Variants in OSBPL11 observed in about 807,000 individuals in gnomAD.
OSBPL11 encodes oxysterol binding protein like 11.
Under a neutral mutation model 84.4 loss-of-function variants are expected in OSBPL11, and 33 were observed. That is an observed-to-expected ratio of 0.39 (90% CI 0.30 to 0.52). The LOEUF (loss-of-function observed/expected upper bound fraction) is 0.52. Among genes scored for constraint, OSBPL11 ranks in the 20% least tolerant of loss-of-function variants. The probability of loss-of-function intolerance (pLI) is 0.72; values close to 1 mark genes in which losing one functional copy is unlikely to be tolerated. For missense variants in OSBPL11, 736 were observed against 901.1 expected, an observed-to-expected ratio of 0.82 and a Z score of 2.35; for synonymous variants, 276 against 310.2, an observed-to-expected ratio of 0.89 and a Z score of 1.16.
chr3:125,537,640 A>T (rs534508321), intron 11 of OSBPL11, among the ~76,000 whole-genome samples: 2 of 152,248 alleles, frequency 1.3e-5, no homozygotes, highest in African/African-American at 4.8e-5. Flanking sequence ...TATTTATGTG[A>T]TCTTAATGTA....
Position 125,595,459 on chromosome 3 carries a change from G to A in OSBPL11, c.-659C>T, listed in dbSNP as rs1430961906. On this transcript the variant is annotated 5_prime_UTR_variant, in exon 1 of 13. Coordinates refer to ENST00000296220, the MANE Select transcript of OSBPL11 (RefSeq NM_022776.5). ...GCCCTCGACTGGGTTCCCAGGAGCC[G>A]GTGAGTCTCTCGCGCTATCTCCAGA... is the stretch of plus-strand genomic sequence containing the variant. 6.6e-6 allele frequency among the ~76,000 whole-genome samples: 1 copy of A among 152,156 alleles called. No individual in the cohort carries two copies. The highest frequency in any genetic ancestry group is 6.5e-5 in the Admixed American group (1 of 15,288).
At chr3:125,581,655 C>A (rs1175875685) in intron 2 of OSBPL11, among the ~76,000 whole-genome samples, 6 of 141,156 alleles carry the variant, frequency 4.3e-5, no homozygotes, top group Non-Finnish European at 9.0e-5. Flanking sequence ...GAGATTGCAC[C>A]ACTACACTGC....
intron 9 of OSBPL11, among the ~76,000 whole-genome samples, chr3:125,548,383 ATGT>A (rs1320974683): frequency 2.0e-5 from 3 of 152,136 alleles, no homozygotes; most frequent in African/African-American, 4.8e-5. Context: ...GAAAGAAAAA[ATGT>A]TGTTTGATTA....
In OSBPL11 at chr3:125,529,409, C is replaced by A. The variant is rs1580025208; in HGVS notation, c.*1106G>T. ...ACTTCCTGATCTTTTTTTCCTGATA[C>A]CTTTTCATTTCGTTGTTTCTTTAGC... is the stretch of plus-strand genomic sequence containing the variant. On this transcript the variant is annotated 3_prime_UTR_variant, in exon 13 of 13. Transcript: ENST00000296220. 1 of 151,098 alleles carries A rather than the reference C, an allele frequency of 6.6e-6. No individual in the cohort carries two copies. The highest frequency in any genetic ancestry group is 2.4e-5 in the African/African-American group (1 of 41,048). The allele number at this position is 151,098 out of a possible 1,614,324, so 9.4% of individuals were successfully genotyped here.
At chr3:125,546,753 T>G (rs1935824083) in intron 10 of OSBPL11, among the ~76,000 whole-genome samples, 1 of 151,992 alleles carries the variant, frequency 6.6e-6, no homozygotes, top group Non-Finnish European at 1.5e-5. Context: ...CAGCCAGGCA[T>G]GGTGGCACAT....
chr3:125,592,757 C>G (rs1353642683), intron 1 of OSBPL11, among the ~76,000 whole-genome samples: 1 of 150,174 alleles, frequency 6.7e-6, no homozygotes, highest in Non-Finnish European at 1.5e-5. Context: ...AGATATCAAG[C>G]ATATTAAAAA....
chr3:125,540,328 CAAAAAAAAAA>C lies in OSBPL11; in HGVS notation c.1842-1705_1842-1696del, dbSNP rs201858368. On this transcript the variant is annotated intron_variant, in intron 10 of 12. Transcript: ENST00000296220. ...TGGGCGACAGAGGATGGCTCTGTCT[CAAAAAAAAAA>C]AAAAAAAAAAAAAAAAAAAAGAGTA... Among the ~76,000 whole-genome samples, 133 of 85,328 alleles carry C rather than the reference CAAAAAAAAAA, an allele frequency of 1.6e-3. 2 individuals are homozygous for C. Among genetic ancestry groups the C allele is most frequent in the African/African-American group, 6.5e-3 (122 of 18,872 alleles). The allele number at this position is 85,328 out of a possible 152,430, so 56.0% of individuals were successfully genotyped here. A position where few individuals can be genotyped will look rare whatever the true frequency, so the allele number is the denominator to read the frequency against.
At chr3:125,553,494 T>C (rs1222453782) in intron 8 of OSBPL11, among the ~76,000 whole-genome samples, 1 of 152,224 alleles carries the variant, frequency 6.6e-6, no homozygotes, top group Non-Finnish European at 1.5e-5. Flanking sequence ...ATAAATATTT[T>C]ACTTAAAGCA....
chr3:125,567,700 A>C, intron 5 of OSBPL11, 105 bp from the exon 6 acceptor site: 1 of 901,240 alleles, frequency 1.1e-6, no homozygotes, highest in Non-Finnish European at 1.7e-6. Flanking sequence ...GCCATTTTTA[A>C]AGACCTACTA....
intron 8 of OSBPL11, among the ~76,000 whole-genome samples, chr3:125,553,895 A>G (rs1935952867): frequency 6.6e-6 from 1 of 152,208 alleles, no homozygotes; most frequent in Admixed American, 6.5e-5. Flanking sequence ...TCATATAAAG[A>G]CAAACCCAGA....
In OSBPL11 at chr3:125,578,955, C is replaced by T; in HGVS notation, c.489+5G>A. The T allele has an allele frequency of 6.6e-7, 1 of 1,525,112 alleles. No homozygotes were observed. 94.5% of individuals were successfully genotyped at this position (1,525,112 alleles called of 1,614,324 possible). A position where few individuals can be genotyped will look rare whatever the true frequency, so the allele number is the denominator to read the frequency against. On this transcript the variant is annotated splice_donor_5th_base_variant and intron_variant, in intron 4 of 12. Coordinates refer to ENST00000296220, the MANE Select transcript of OSBPL11 (RefSeq NM_022776.5). ...TATATTAATATTGTATATAAATCTA[C>T]ATACCTTTCCAATAGCTTCAGTATG...
chr3:125,570,371 G>A (rs1936225510), intron 5 of OSBPL11, among the ~76,000 whole-genome samples: 1 of 150,242 alleles, frequency 6.7e-6, no homozygotes, highest in African/African-American at 2.5e-5. Context: ...GAAAAAATAA[G>A]CTGTGTGTGG....
chr3:125,594,196 G>A (rs1936645683), intron 1 of OSBPL11, among the ~76,000 whole-genome samples: 1 of 152,194 alleles, frequency 6.6e-6, no homozygotes, highest in South Asian at 2.1e-4. Flanking sequence ...TTCAGGGCAA[G>A]AATCTTTTCT....
chr3:125,571,960 G>A (rs1936249343), intron 5 of OSBPL11, among the ~76,000 whole-genome samples: 1 of 152,240 alleles, frequency 6.6e-6, no homozygotes, highest in African/African-American at 2.4e-5. Context: ...TCCACTGACA[G>A]CTTGTACCAT....
At chr3:125,559,789 A>C (rs1452917014) in intron 8 of OSBPL11, among the ~76,000 whole-genome samples, 1 of 152,064 alleles carries the variant, frequency 6.6e-6, no homozygotes, top group African/African-American at 2.4e-5. Context: ...CAGCCTCCTG[A>C]GACGGGTTTC....
chr3:125,553,099 G>A (rs1935937404), intron 8 of OSBPL11, among the ~76,000 whole-genome samples: 1 of 152,148 alleles, frequency 6.6e-6, no homozygotes, highest in Non-Finnish European at 1.5e-5. Context: ...GCAACAGAGT[G>A]AGACCCTGTC....
At chr3:125,569,590 C>T (rs1936212858) in intron 5 of OSBPL11, among the ~76,000 whole-genome samples, 1 of 152,120 alleles carries the variant, frequency 6.6e-6, no homozygotes, top group Admixed American at 6.5e-5. Flanking sequence ...ATCTACTAGA[C>T]ATAAGTAAAT....
intron 5 of OSBPL11, among the ~76,000 whole-genome samples, chr3:125,567,895 C>T (rs1199847201): frequency 6.8e-6 from 1 of 147,966 alleles, no homozygotes; most frequent in Non-Finnish European, 1.5e-5. Flanking sequence ...TTGGGAGGCT[C>T]AAGTGTGAGG....
intron 1 of OSBPL11, among the ~76,000 whole-genome samples, chr3:125,587,296 G>C (rs1444240973): frequency 3.3e-5 from 5 of 152,190 alleles, no homozygotes; most frequent in Non-Finnish European, 7.3e-5. Flanking sequence ...GATAACTAAT[G>C]CCTTCACTGA....
Sources: allele counts gnomAD v4.1 joint callset (sites outside exome capture counted in the v4.1 genomes callset), GRCh38; gene constraint gnomAD v4.1.1; transcripts MANE v1.5; gene names NCBI Gene and HGNC (gene_info 2026-07-23, HGNC 2026-07-21).